FARS2: variants seen among roughly 807,000 people sequenced by gnomAD.
FARS2 encodes the protein phenylalanine--tRNA ligase, mitochondrial.
A neutral mutation model predicts 46.4 loss-of-function variants in FARS2; 40 were observed. The observed-to-expected ratio is 0.86, with a 90% CI of 0.67 to 1.12. The LOEUF is 1.12. FARS2 is among the 50% of genes most tolerant of loss of function. The pLI is 0.00. For synonymous variants in FARS2, 234 were observed against 214.9 expected, an observed-to-expected ratio of 1.09 and a Z score of -0.78; for missense variants, 513 against 567.9, an observed-to-expected ratio of 0.90 and a Z score of 0.98.
chr6:5,487,108 T>A (rs1766820051), intron 4 of FARS2, among the ~76,000 whole-genome samples: 2 of 152,144 alleles, frequency 1.3e-5, no homozygotes, highest in Admixed American at 6.5e-5. Context: ...AAGATAACAC[T>A]CAGCTGATAT....
intron 1 of FARS2, among the ~76,000 whole-genome samples, chr6:5,347,862 A>T (rs1404011075): frequency 6.6e-6 from 1 of 152,188 alleles, no homozygotes; most frequent in Non-Finnish European, 1.5e-5. Flanking sequence ...CAACAAGAAC[A>T]ATAATAATAA....
In FARS2 at chr6:5,359,336, C is replaced by A. The variant is rs9392678; in HGVS notation, c.-21-9214C>A. Among the ~76,000 whole-genome samples the A allele has an allele frequency of 4.6e-5, 7 of 152,094 alleles. No homozygotes were observed. The East Asian group carries it at 9.7e-4, about 21-fold the overall frequency. ...CATTACAGGCATGAGGCATTGCTCC[C>A]GGCCAAGATATCTCTTCTTAATGGG... On this transcript the variant is annotated intron_variant, in intron 1 of 6. Coordinates refer to ENST00000274680, the MANE Select transcript of FARS2 (RefSeq NM_006567.5).
chr6:5,542,674 A>G (rs543938027), intron 4 of FARS2, among the ~76,000 whole-genome samples: 116 of 152,348 alleles, frequency 7.6e-4, no homozygotes, highest in Non-Finnish European at 1.3e-3. Flanking sequence ...CAGTTGAGAA[A>G]TATTGGTTTA....
At chr6:5,686,376 C>T (rs1757219563) in intron 6 of FARS2, among the ~76,000 whole-genome samples, 1 of 151,496 alleles carries the variant, frequency 6.6e-6, no homozygotes, top group Non-Finnish European at 1.5e-5. Context: ...CAACAGGCCC[C>T]AGTGTGTGAT....
intron 3 of FARS2, among the ~76,000 whole-genome samples, chr6:5,411,259 A>G (rs906975055): frequency 6.6e-6 from 1 of 152,196 alleles, no homozygotes; most frequent in African/African-American, 2.4e-5. Context: ...AGCCTGGCCA[A>G]CAGACTGAGA....
chr6:5,494,132 T>C (rs957832742), intron 4 of FARS2, among the ~76,000 whole-genome samples: 2 of 151,968 alleles, frequency 1.3e-5, no homozygotes, highest in African/African-American at 2.4e-5. Flanking sequence ...TTTTCTTTTT[T>C]TTTTTTTGTG....
chr6:5,443,116 C>T (rs542665584), intron 4 of FARS2, among the ~76,000 whole-genome samples: 3 of 152,272 alleles, frequency 2.0e-5, no homozygotes, highest in Non-Finnish European at 4.4e-5. Flanking sequence ...CAGTTTCCCC[C>T]CATCAATGTG....
chr6:5,678,275 T>C (rs1477992991), intron 6 of FARS2, among the ~76,000 whole-genome samples: 1 of 152,190 alleles, frequency 6.6e-6, no homozygotes, highest in Non-Finnish European at 1.5e-5. Context: ...CAAGACTATT[T>C]TGTAGACTTA....
chr6:5,392,804 A>T (rs894308366), intron 2 of FARS2, among the ~76,000 whole-genome samples: 4 of 135,966 alleles, frequency 2.9e-5, no homozygotes, highest in Non-Finnish European at 4.8e-5. Context: ...ACATATATGT[A>T]TGTGTATATA....
rs753036970 is a variant in FARS2 at position 5,765,665 on chromosome 6, G to A, written c.1218-5626G>A. ...GAACATGAGGTTCCACGTGGGGTGC[G>A]GTGTGGCTGACTTCATCGCCAAGCA... On this transcript the variant is annotated intron_variant, in intron 6 of 6. Transcript: ENST00000274680. The surrounding 1 kb of genome is among the most constrained non-coding windows in gnomAD (Gnocchi z 4.0). 4.6e-5 allele frequency among the ~76,000 whole-genome samples: 7 copies of A among 152,138 alleles called. No homozygotes were observed. The highest frequency in any genetic ancestry group is 7.4e-5 in the Non-Finnish European group (5 of 68,020).
intron 5 of FARS2, among the ~76,000 whole-genome samples, chr6:5,550,435 T>G (rs897906762): frequency 1.3e-5 from 2 of 152,126 alleles, no homozygotes; most frequent in African/African-American, 4.8e-5. Flanking sequence ...CAGCCAATTT[T>G]TTGTGTTTTT....
intron 4 of FARS2, among the ~76,000 whole-genome samples, chr6:5,535,801 T>G (rs1770155951): frequency 6.6e-6 from 1 of 152,010 alleles, no homozygotes; most frequent in African/African-American, 2.4e-5. Context: ...TGGGTTTTAT[T>G]TCTTTTATCC....
chr6:5,324,925 A>T (rs895432053), intron 1 of FARS2, among the ~76,000 whole-genome samples: 16 of 152,092 alleles, frequency 1.1e-4, no homozygotes, highest in Admixed American at 2.0e-4. Context: ...ATGTTGAGAG[A>T]CATGCCATCC....
chr6:5,613,381 A>T, intron 6 of FARS2, 61 bp downstream of exon 6: 1 of 1,491,390 alleles, frequency 6.7e-7, no homozygotes, highest in Non-Finnish European at 9.1e-7. Context: ...TGTCATGTGG[A>T]AGCATATCAT....
chr6:5,650,582 G>A (rs545199510), intron 6 of FARS2, among the ~76,000 whole-genome samples: 3 of 152,222 alleles, frequency 2.0e-5, no homozygotes, highest in Admixed American at 1.3e-4. Context: ...CTGGGTTCAC[G>A]CCATTCTCCT....
chr6:5,494,407 C>T lies in FARS2; in HGVS notation c.905-50773C>T, dbSNP rs185554869. 2.6e-3 allele frequency among the ~76,000 whole-genome samples: 397 copies of T among 152,300 alleles called. 1 individual carries two copies. The highest frequency in any genetic ancestry group is 9.0e-3 in the African/African-American group (374 of 41,562). On this transcript the variant is annotated intron_variant, in intron 4 of 6. Coordinates refer to ENST00000274680, the MANE Select transcript of FARS2 (RefSeq NM_006567.5). The stretch of plus-strand genomic sequence containing the variant: ...CTGGAATCCGGGTCTGTACTGGCTG[C>T]GGCTTCACACTGCCTCGCTTCTCAG...
intron 1 of FARS2, among the ~76,000 whole-genome samples, chr6:5,265,271 G>C (rs1211573359): frequency 6.6e-6 from 1 of 152,218 alleles, no homozygotes; most frequent in Non-Finnish European, 1.5e-5. Flanking sequence ...AAAGATTGCA[G>C]TGTATATCCA....
chr6:5,370,701 G>C (rs1759002933), intron 2 of FARS2, among the ~76,000 whole-genome samples: 1 of 152,154 alleles, frequency 6.6e-6, no homozygotes, highest in Non-Finnish European at 1.5e-5. Context: ...CATTTTAATG[G>C]AGGGAAAATC....
At chr6:5,526,603 T>C (rs1405032279) in intron 4 of FARS2, among the ~76,000 whole-genome samples, 2 of 152,222 alleles carry the variant, frequency 1.3e-5, no homozygotes, top group East Asian at 3.9e-4. Flanking sequence ...TGGTTTCTTT[T>C]TTCTTTTTTC....
Sources: gnomAD v4.1 joint callset for allele counts (sites outside exome capture counted in the v4.1 genomes callset) on GRCh38, gnomAD v4.1.1 for gene constraint, Gnocchi (gnomAD v3.1) non-coding constraint, MANE v1.5 for transcripts, NCBI Gene and HGNC (gene_info 2026-07-23, HGNC 2026-07-21) for gene names.